KIF21A: variants seen among roughly 807,000 people sequenced by gnomAD.
KIF21A encodes kinesin-like protein KIF21A.
In KIF21A, 114 loss-of-function variants were observed where a neutral mutation model predicts 202.9. The observed-to-expected ratio is 0.56, with a 90% CI of 0.48 to 0.66. The LOEUF is 0.66. Ranked by LOEUF, KIF21A falls within the 30% of genes least tolerant of loss-of-function variation. KIF21A has a pLI of 0.00. For synonymous variants in KIF21A, 667 were observed against 670.8 expected (o/e 0.99, Z 0.09); for missense variants, 1,677 against 1,994.9 (o/e 0.84, Z 3.04).
At chr12:39,361,328 T>C (rs908559165) in intron 7 of KIF21A, among the ~76,000 whole-genome samples, 1 of 152,108 alleles carries the variant, frequency 6.6e-6, no homozygotes, top group African/African-American at 2.4e-5. Context: ...TATTCTGTTA[T>C]AATAAGACCC....
intron 10 of KIF21A, among the ~76,000 whole-genome samples, chr12:39,352,528 G>A (rs1339486118): frequency 1.3e-5 from 2 of 152,026 alleles, no homozygotes; most frequent in Non-Finnish European, 2.9e-5. Context: ...TAGATTACTT[G>A]AATTCTGGCC....
intron 1 of KIF21A, among the ~76,000 whole-genome samples, chr12:39,379,616 A>G (rs763731724): frequency 2.6e-5 from 4 of 152,144 alleles, no homozygotes; most frequent in Non-Finnish European, 4.4e-5. Context: ...CAGGCTTCCA[A>G]TGAAGCTCAG....
chr12:39,439,186 T>C (rs1047180513), intron 1 of KIF21A, among the ~76,000 whole-genome samples: 21 of 152,202 alleles, frequency 1.4e-4, no homozygotes, highest in Non-Finnish European at 1.5e-5. Context: ...CCCAATATTT[T>C]AGTATTTTCT....
chr12:39,373,578 C>T (rs1950096668), intron 1 of KIF21A, among the ~76,000 whole-genome samples: 1 of 152,132 alleles, frequency 6.6e-6, no homozygotes, highest in Admixed American at 6.6e-5. Flanking sequence ...ATAAACGCAA[C>T]ACTCTAATGA....
chr12:39,331,421 T>G (rs1196802292), intron 22 of KIF21A, among the ~76,000 whole-genome samples: 1 of 152,204 alleles, frequency 6.6e-6, no homozygotes, highest in Non-Finnish European at 1.5e-5. Context: ...TTCTTCTAAT[T>G]TTTCCTTTGT....
chr12:39,405,828 A>G (rs895850897), intron 1 of KIF21A, among the ~76,000 whole-genome samples: 2 of 152,148 alleles, frequency 1.3e-5, no homozygotes, highest in Admixed American at 1.3e-4. Flanking sequence ...ATCATTCTTA[A>G]CTAGGCCGTA....
At chr12:39,318,347 A>T (rs1377675437) in intron 28 of KIF21A, 146 bp from the exon 29 acceptor site, 2 of 751,154 alleles carry the variant, frequency 2.7e-6, no homozygotes, top group Non-Finnish European at 2.1e-6. Flanking sequence ...GATAAAATGC[A>T]TTCTGAACAA....
chr12:39,406,195 T>C (rs775922685), intron 1 of KIF21A, among the ~76,000 whole-genome samples: 3 of 152,148 alleles, frequency 2.0e-5, no homozygotes, highest in Admixed American at 2.0e-4. Flanking sequence ...AATAATACTT[T>C]CAAGTTTTAA....
chr12:39,404,038 C>G (rs975940174), intron 1 of KIF21A, among the ~76,000 whole-genome samples: 5 of 152,126 alleles, frequency 3.3e-5, no homozygotes, highest in Non-Finnish European at 5.9e-5. Context: ...GTTTAGAAAT[C>G]CACATATTTA....
intron 3 of KIF21A, among the ~76,000 whole-genome samples, chr12:39,369,245 G>A (rs1949796035): frequency 6.6e-6 from 1 of 152,070 alleles, no homozygotes; most frequent in African/African-American, 2.4e-5. Flanking sequence ...AATAGCTTGA[G>A]GCCAGGAGTT....
At chr12:39,390,720 T>C (rs927111651) in intron 1 of KIF21A, among the ~76,000 whole-genome samples, 7 of 152,132 alleles carry the variant, frequency 4.6e-5, no homozygotes, top group African/African-American at 1.7e-4. Flanking sequence ...TTTGTCAGAA[T>C]TGAAAGAGAT....
chr12:39,320,932 CAAAAA>C (rs59613512), intron 27 of KIF21A, among the ~76,000 whole-genome samples: 1 of 16,122 alleles, frequency 6.2e-5, no homozygotes, highest in Non-Finnish European at 1.3e-4. Flanking sequence ...AAGACTCTGC[CAAAAA>C]AAAAAAAAAA....
chr12:39,341,940 T>C (rs981884690), intron 13 of KIF21A, 94 bp downstream of exon 13: 1 of 843,222 alleles, frequency 1.2e-6, no homozygotes, highest in East Asian at 2.5e-5. Flanking sequence ...TCATAAGCAG[T>C]TCACTTTTCT....
chr12:39,367,713 T>C (rs887754192), intron 4 of KIF21A, among the ~76,000 whole-genome samples, 170 bp downstream of exon 4: 4 of 152,206 alleles, frequency 2.6e-5, no homozygotes, highest in Admixed American at 6.5e-5. Flanking sequence ...CCTGATATTT[T>C]TATACTAATA....
At position 39,332,580 on chromosome 12, in the gene KIF21A, A is replaced by C. The variant is rs773594104; in HGVS notation, c.2856+11T>G. On this transcript the variant is annotated intron_variant, in intron 20 of 37. Transcript: ENST00000361418. ...CTAAGGGGGAGCGTATCTACTCTCT[A>C]TTTTCCACACCTTGAGGAGTCTATT... is the stretch of plus-strand genomic sequence containing the variant. 3.1e-6 allele frequency: 5 copies of C among 1,605,996 alleles called. No homozygotes were observed. Among genetic ancestry groups the C allele is most frequent in the South Asian group, 1.1e-5 (1 of 90,890 alleles).
In KIF21A at chr12:39,307,748, A is replaced by T; in HGVS notation, c.4278-19T>A. 6.2e-7 allele frequency: 1 copy of T among 1,612,236 alleles called. No individual in the cohort carries two copies. Among genetic ancestry groups the T allele is most frequent in the South Asian group, 1.1e-5 (1 of 90,920 alleles). On this transcript the variant is annotated intron_variant, in intron 33 of 37. Transcript: ENST00000361418. ...TGAAGACCTTAAGAGATACAAACAAAGCAAAAAAGTCACACTTCTGGACTT... is the reference window on the plus strand; with the variant it reads ...TGAAGACCTTAAGAGATACAAACAATGCAAAAAAGTCACACTTCTGGACTT...
chr12:39,345,203 ACTC>A (rs1487358674), intron 12 of KIF21A, among the ~76,000 whole-genome samples: 1 of 152,086 alleles, frequency 6.6e-6, no homozygotes, highest in Non-Finnish European at 1.5e-5. Context: ...ATGGGAGTAA[ACTC>A]CTTTCACTGA....
rs1349887483 is a variant in KIF21A, at chr12:39,358,240, G to C, written c.1153C>G (p.Gln385Glu). Reference protein sequence around the residue: ...VMVNQDRASQQINALRSEITR... With the variant: ...VMVNQDRASQEINALRSEITR... ...ATTTCACTACGAAGTGCATTGATTT[G>C]CTGACTAGCTCTGTCCTGATTGACC... Residue 385 changes from glutamine (Q) to glutamate (E), a missense_variant, in exon 8 of 38, where the codon CAA becomes GAA. Coordinates refer to ENST00000361418, the MANE Select transcript of KIF21A (RefSeq NM_001173464.2). The C allele has an allele frequency of 6.2e-7, 1 of 1,613,868 alleles. No homozygotes were observed. The highest frequency in any genetic ancestry group is 1.3e-5 in the African/African-American group (1 of 74,874).
chr12:39,396,663 G>A (rs1176925856), intron 1 of KIF21A, among the ~76,000 whole-genome samples: 2 of 152,284 alleles, frequency 1.3e-5, no homozygotes, highest in Admixed American at 6.5e-5. Context: ...ATTTTATAGA[G>A]AAGAAAAGTC....
Sources: gnomAD v4.1 joint callset for allele counts (sites outside exome capture counted in the v4.1 genomes callset) on GRCh38, gnomAD v4.1.1 for gene constraint, MANE v1.5 for transcripts, NCBI Gene and HGNC (gene_info 2026-07-23, HGNC 2026-07-21) for gene names.